NDRG3: variants seen among roughly 807,000 people sequenced by gnomAD.
NDRG3 encodes NDRG family member 3.
NDRG3 carries 23 observed loss-of-function variants against 57.2 expected under a neutral mutation model. That is an observed-to-expected ratio of 0.40 (90% CI 0.29 to 0.57). The LOEUF is 0.57. Among genes scored for constraint, NDRG3 ranks in the 20% least tolerant of loss-of-function variants. The pLI, the probability that NDRG3 is intolerant of heterozygous loss-of-function variation, is 0.42. For synonymous variants in NDRG3, 132 were observed against 162.6 expected (o/e 0.81, Z 1.43); for missense variants, 384 against 457.3 (o/e 0.84, Z 1.46).
intron 1 of NDRG3, among the ~76,000 whole-genome samples, chr20:36,735,612 A>G (rs1985564283): frequency 1.3e-5 from 2 of 152,148 alleles, no homozygotes. Flanking sequence ...AAGGGAAGGG[A>G]GAATGATGGG....
chr20:36,655,774 C>A (rs1203497717), intron 15 of NDRG3, among the ~76,000 whole-genome samples: 1 of 152,152 alleles, frequency 6.6e-6, no homozygotes, highest in African/African-American at 2.4e-5. Flanking sequence ...TGGCAATGTG[C>A]TTAGTCTCTT....
chr20:36,671,287 G>T, intron 9 of NDRG3, 54 bp downstream of exon 9: 1 of 1,424,242 alleles, frequency 7.0e-7, no homozygotes, highest in South Asian at 1.2e-5. Flanking sequence ...GGTAAAATAA[G>T]AATTTGCATG....
intron 3 of NDRG3, among the ~76,000 whole-genome samples, chr20:36,700,162 T>A (rs561312026): frequency 2.9e-4 from 43 of 149,500 alleles, no homozygotes; most frequent in Non-Finnish European, 5.8e-4. Context: ...GCAAAGTTAC[T>A]ACTTTGTTGC....
chr20:36,683,660 A>ATG (rs199940303), intron 6 of NDRG3, among the ~76,000 whole-genome samples: 4,118 of 148,828 alleles, frequency 0.028, 242 homozygotes, highest in African/African-American at 0.097. Context: ...ATATATGTAT[A>ATG]TATACATATA....
chr20:36,741,360 A>G (rs1032069103), intron 1 of NDRG3, among the ~76,000 whole-genome samples: 3 of 152,186 alleles, frequency 2.0e-5, no homozygotes, highest in African/African-American at 7.2e-5. Context: ...TATTTCCAGA[A>G]GCTAGCAGCA....
At position 36,652,135 on chromosome 20, in the gene NDRG3, G is replaced by A. The variant is rs1978316504; in HGVS notation, c.*1385C>T. On this transcript the variant is annotated 3_prime_UTR_variant, in exon 16 of 16. Transcript: ENST00000349004. The stretch of plus-strand genomic sequence containing the variant: ...AGGATTAACAATCTTTCTAATGGCT[G>A]GGAGCAATGACTCATGCCTGTAATC... 6.6e-6 allele frequency: 1 copy of A among 152,226 alleles called. No homozygotes were observed. The allele number at this position is 152,226 out of a possible 1,614,324, so 9.4% of individuals were successfully genotyped here.
At chr20:36,733,592 C>G (rs1264401362) in intron 1 of NDRG3, among the ~76,000 whole-genome samples, 1 of 151,840 alleles carries the variant, frequency 6.6e-6, no homozygotes, top group Non-Finnish European at 1.5e-5. Flanking sequence ...GGAGAGGTTG[C>G]AGGTGCCTGT....
rs1224525596 is a variant in NDRG3 at position 36,731,196 on chromosome 20, A to AGGAGGTCT, written c.-48-9421_-48-9414dup. On this transcript the variant is annotated intron_variant, in intron 1 of 15. Transcript: ENST00000349004. ...CCAAACGACCACCAAACCAGAGATA[A>AGGAGGTCT]GGAGGTCTGTAGGCCTGGGCTCTTC... 2.0e-5 allele frequency among the ~76,000 whole-genome samples: 3 copies of AGGAGGTCT among 152,194 alleles called. No individual in the cohort carries two copies. In the East Asian group the frequency reaches 5.8e-4, roughly 29 times the overall value.
At chr20:36,717,577 G>C in intron 2 of NDRG3, among the ~76,000 whole-genome samples, 1 of 152,256 alleles carries the variant, frequency 6.6e-6, no homozygotes, top group East Asian at 1.9e-4. Flanking sequence ...TTCTTTACTG[G>C]GCAAACCAGC....
chr20:36,689,558 CCTT>C (rs1877021022), intron 3 of NDRG3, among the ~76,000 whole-genome samples: 1 of 152,010 alleles, frequency 6.6e-6, no homozygotes, highest in African/African-American at 2.4e-5. Context: ...GCCTAGGATC[CCTT>C]CTTTCCTGGG....
At chr20:36,718,757 T>G (rs1984418730) in intron 2 of NDRG3, among the ~76,000 whole-genome samples, 1 of 152,068 alleles carries the variant, frequency 6.6e-6, no homozygotes, top group Admixed American at 6.6e-5. Context: ...CACAGCTCAC[T>G]GCAGCCTCAA....
chr20:36,713,630 T>C (rs950345554), intron 2 of NDRG3, among the ~76,000 whole-genome samples: 1 of 152,192 alleles, frequency 6.6e-6, no homozygotes, highest in Non-Finnish European at 1.5e-5. Flanking sequence ...CAACTATCAA[T>C]AGAAAGAGAT....
At chr20:36,689,386 T>C (rs1982067856) in intron 3 of NDRG3, among the ~76,000 whole-genome samples, 1 of 152,100 alleles carries the variant, frequency 6.6e-6, no homozygotes, top group Admixed American at 6.6e-5. Flanking sequence ...ATCAGCAAAT[T>C]GGGTAAGGAG....
At chr20:36,663,124 G>C (rs1403578253) in intron 12 of NDRG3, among the ~76,000 whole-genome samples, 1 of 152,102 alleles carries the variant, frequency 6.6e-6, no homozygotes, top group East Asian at 1.9e-4. Context: ...TGATAAATTG[G>C]GGTCACCACT....
chr20:36,677,225 G>C (rs1222813602), intron 8 of NDRG3, among the ~76,000 whole-genome samples: 1 of 152,198 alleles, frequency 6.6e-6, no homozygotes, highest in Non-Finnish European at 1.5e-5. Flanking sequence ...CTGCACCCTT[G>C]GGCGCCCCAG....
At chr20:36,732,367 A>G (rs1600970117) in intron 1 of NDRG3, among the ~76,000 whole-genome samples, 1 of 152,220 alleles carries the variant, frequency 6.6e-6, no homozygotes, top group South Asian at 2.1e-4. Context: ...GCGTGATAAT[A>G]CAGAGTGCAA....
Position 36,654,370 on chromosome 20 carries a change from C to T in NDRG3, c.947-669G>A, listed in dbSNP as rs1326626870. Among the ~76,000 whole-genome samples the T allele has an allele frequency of 3.9e-5, 6 of 152,302 alleles. No homozygotes were observed. In the South Asian group the frequency reaches 8.3e-4, roughly 21 times the overall value. Reference sequence around the variant, plus strand: ...TACCTGGCATAGCCTCCCTGCCTATCGTCCTGGGCAGCAGCCACTCCCCTA... The same window carrying T: ...TACCTGGCATAGCCTCCCTGCCTATTGTCCTGGGCAGCAGCCACTCCCCTA... On this transcript the variant is annotated intron_variant, in intron 15 of 15. Coordinates refer to ENST00000349004, the MANE Select transcript of NDRG3 (RefSeq NM_032013.4).
intron 2 of NDRG3, among the ~76,000 whole-genome samples, chr20:36,709,350 T>C (rs1028200383): frequency 3.9e-5 from 6 of 152,144 alleles, no homozygotes. Context: ...AATAACGTTA[T>C]GAAAGAGCAG....
chr20:36,730,263 T>C (rs1366120856), intron 1 of NDRG3, among the ~76,000 whole-genome samples: 1 of 148,562 alleles, frequency 6.7e-6, no homozygotes, highest in African/African-American at 2.5e-5. Flanking sequence ...AAAAAAAAAA[T>C]TGTTTTTTTG....
Sources: gnomAD v4.1 joint callset for allele counts (sites outside exome capture counted in the v4.1 genomes callset) on GRCh38, gnomAD v4.1.1 for gene constraint, MANE v1.5 for transcripts, NCBI Gene and HGNC (gene_info 2026-07-23, HGNC 2026-07-21) for gene names.